WDR27: variants seen among roughly 807,000 people sequenced by gnomAD.
WDR27 encodes the protein WD repeat-containing protein 27.
In WDR27, 100 loss-of-function variants were observed where a neutral mutation model predicts 114.4. That is an observed-to-expected ratio of 0.87 (90% CI 0.74 to 1.03). The LOEUF is 1.03. WDR27 is among the 50% of genes least tolerant of loss of function. WDR27 has a pLI of 0.00. For missense variants in WDR27, 1,129 were observed against 1,092.9 expected (o/e 1.03, Z -0.47); for synonymous variants, 449 against 423.1 (o/e 1.06, Z -0.75).
intron 21 of WDR27, among the ~76,000 whole-genome samples, chr6:169,620,559 C>T (rs1812869562): frequency 1.3e-5 from 2 of 152,178 alleles, no homozygotes; most frequent in Non-Finnish European, 2.9e-5. Flanking sequence ...TGCCTCTTAT[C>T]TACTCATGAC....
chr6:169,585,804 C>T (rs1175501904), intron 23 of WDR27, among the ~76,000 whole-genome samples: 2 of 151,994 alleles, frequency 1.3e-5, no homozygotes, highest in Admixed American at 6.6e-5. Context: ...GCCGTCTCAG[C>T]GGTGGCCGAG....
the WDR27 span, among the ~76,000 whole-genome samples, chr6:169,436,655 C>G: frequency 6.6e-6 from 1 of 151,962 alleles, no homozygotes; most frequent in African/African-American, 2.4e-5. Flanking sequence ...GATTTATAAA[C>G]TTTTCATGTA....
chr6:169,626,038 A>G (rs753160530), intron 21 of WDR27, among the ~76,000 whole-genome samples: 10 of 152,248 alleles, frequency 6.6e-5, no homozygotes, highest in Non-Finnish European at 1.0e-4. Context: ...AAAGTGGTAC[A>G]GGGTCTGCAT....
rs539192990 is a variant in WDR27 at position 169,658,042 on chromosome 6, C to T, written c.1402+234G>A. On this transcript the variant is annotated intron_variant, in intron 13 of 25. Transcript: ENST00000448612. ...GAGGAACAGCGGTCAGTCTTGGGCACGTTGCTGAATCCCATGAGTGATGGC... is the reference window on the plus strand; with the variant it reads ...GAGGAACAGCGGTCAGTCTTGGGCATGTTGCTGAATCCCATGAGTGATGGC... 4 of 423,402 alleles carry T rather than the reference C, an allele frequency of 9.4e-6. No individual in the cohort carries two copies. The East Asian group carries it at 1.2e-4, about 13-fold the overall frequency. 26.2% of individuals were successfully genotyped at this position (423,402 alleles called of 1,614,324 possible).
intron 25 of WDR27, among the ~76,000 whole-genome samples, chr6:169,570,674 C>T (rs1227431074): frequency 2.6e-5 from 4 of 152,064 alleles, no homozygotes; most frequent in African/African-American, 4.8e-5. Context: ...ACTAAAAATA[C>T]AAAAATTAGC....
chr6:169,687,387 GA>G (rs899661903), intron 2 of WDR27, among the ~76,000 whole-genome samples: 1 of 151,650 alleles, frequency 6.6e-6, no homozygotes, highest in Admixed American at 6.6e-5. Context: ...CAAATCAATA[GA>G]AAAAAGACAG....
At chr6:169,541,567 C>G (rs1289684340) in intron 25 of WDR27, among the ~76,000 whole-genome samples, 1 of 152,210 alleles carries the variant, frequency 6.6e-6, no homozygotes, top group Non-Finnish European at 1.5e-5. Context: ...TAGCTTTAAC[C>G]TGCAGGAACT....
chr6:169,603,859 T>TA (rs573535585), intron 22 of WDR27, among the ~76,000 whole-genome samples: 371 of 152,374 alleles, frequency 2.4e-3, no homozygotes, highest in Non-Finnish European at 4.0e-3. Context: ...ATAAGTGCTC[T>TA]AGAAGTGTAA....
intron 4 of WDR27, chr6:169,669,843 G>C (rs115804690): frequency 6.6e-6 from 1 of 151,958 alleles, no homozygotes; most frequent in Non-Finnish European, 1.5e-5. Context: ...CTCCCAAAAC[G>C]CCTATTACAC....
chr6:169,647,457 T>C lies in WDR27; in HGVS notation c.1657+316A>G, dbSNP rs369054787. ...CTGCCGAAGCCCTCCCACCTTAACA[T>C]GTCTGTAGGAGGGGTCAGACAAACA... is the stretch of plus-strand genomic sequence containing the variant. On this transcript the variant is annotated intron_variant, in intron 16 of 25. Coordinates refer to ENST00000448612, the MANE Select transcript of WDR27 (RefSeq NM_182552.5). 2.0e-4 allele frequency among the ~76,000 whole-genome samples: 31 copies of C among 152,300 alleles called. No homozygotes were observed. The South Asian group carries it at 3.7e-3, about 18-fold the overall frequency.
chr6:169,430,669 C>A, the WDR27 span, among the ~76,000 whole-genome samples: 64 of 152,332 alleles, frequency 4.2e-4, no homozygotes, highest in African/African-American at 1.5e-3. Context: ...CTCCACTTGT[C>A]AGGGCAGATC....
chr6:169,649,159 T>C (rs750112271), intron 15 of WDR27, 39 bp downstream of exon 15: 2 of 1,524,002 alleles, frequency 1.3e-6, no homozygotes, highest in Non-Finnish European at 1.8e-6. Flanking sequence ...AGGTCTAGGT[T>C]ATTTCAAATG....
intron 21 of WDR27, among the ~76,000 whole-genome samples, chr6:169,629,556 A>G (rs1815766885): frequency 6.6e-6 from 1 of 152,366 alleles, no homozygotes; most frequent in Non-Finnish European, 1.5e-5. Context: ...ATGAACTAAG[A>G]AATATTTTTC....
the WDR27 span, among the ~76,000 whole-genome samples, chr6:169,444,022 T>C: frequency 5.3e-5 from 8 of 152,190 alleles, no homozygotes; most frequent in African/African-American, 1.9e-4. Flanking sequence ...GCAGTCAACG[T>C]GCTCAGATGC....
chr6:169,701,689 C>T lies in WDR27; in HGVS notation c.-146G>A, dbSNP rs1219153266. ...GCACTAGCACGGCGTCAGGAGGAGGCTTCGGGTGACGAGACAGCGGGCAAC... is the reference window on the plus strand; with the variant it reads ...GCACTAGCACGGCGTCAGGAGGAGGTTTCGGGTGACGAGACAGCGGGCAAC... On this transcript the variant is annotated 5_prime_UTR_variant, in exon 1 of 26. Coordinates refer to ENST00000448612, the MANE Select transcript of WDR27 (RefSeq NM_182552.5). The T allele has an allele frequency of 5.6e-6, 1 of 179,710 alleles. No homozygotes were observed. The highest frequency in any genetic ancestry group is 2.4e-5 in the African/African-American group (1 of 41,572). 11.1% of individuals were successfully genotyped at this position (179,710 alleles called of 1,614,324 possible).
rs139721865 is a variant in WDR27 at position 169,479,332 on chromosome 6, A to G, written c.2646-21698T>C. Among the ~76,000 whole-genome samples, 180 of 152,350 alleles carry G rather than the reference A, an allele frequency of 1.2e-3. 1 individual carries two copies. Among genetic ancestry groups the G allele is most frequent in the Non-Finnish European group, 2.0e-3 (137 of 68,032 alleles). The stretch of plus-strand genomic sequence containing the variant: ...CAGGGAAATGTAAATCAAAACTACA[A>G]TGAGATACCATCTCATACCAATCAG... On this transcript the variant is annotated intron_variant, in intron 25 of 25. Transcript: ENST00000448612.
At chr6:169,427,040 G>C in the WDR27 span, 1 of 152,432 alleles carries the variant, frequency 6.6e-6, no homozygotes, top group African/African-American at 2.4e-5. Context: ...AGATGAGGAA[G>C]AAATCAGCAG....
intron 21 of WDR27, among the ~76,000 whole-genome samples, chr6:169,615,212 AT>A (rs1182832301): frequency 6.6e-6 from 1 of 152,208 alleles, no homozygotes; most frequent in Non-Finnish European, 1.5e-5. Flanking sequence ...TTTCATTATT[AT>A]CATTATTGTC....
intron 21 of WDR27, among the ~76,000 whole-genome samples, chr6:169,631,315 C>T (rs545438575): frequency 6.6e-6 from 1 of 152,080 alleles, no homozygotes; most frequent in Non-Finnish European, 1.5e-5. Context: ...GAAAAATAAT[C>T]TTTTCTCCAA....
Sources: gnomAD v4.1 joint callset for allele counts (sites outside exome capture counted in the v4.1 genomes callset) on GRCh38, gnomAD v4.1.1 for gene constraint, MANE v1.5 for transcripts, NCBI Gene and HGNC (gene_info 2026-07-23, HGNC 2026-07-21) for gene names.